The following ABCG5 variants were observed in gnomAD, a reference collection of about 807,000 sequenced individuals.
ABCG5 encodes the protein ATP-binding cassette sub-family G member 5.
In ABCG5, 64 loss-of-function variants were observed where a neutral mutation model predicts 64.5. The observed-to-expected ratio is 0.99, with a 90% confidence interval of 0.81 to 1.22. The LOEUF (loss-of-function observed/expected upper bound fraction) is 1.22, where lower values mean the gene tolerates loss of function less well. Ranked by LOEUF, ABCG5 falls within the 50% of genes most tolerant of loss-of-function variation. The probability of loss-of-function intolerance (pLI) is 0.00; values close to 1 mark genes in which losing one functional copy is unlikely to be tolerated. For missense variants in ABCG5, 908 were observed against 829.5 expected (o/e 1.09, Z -1.16); for synonymous variants, 385 against 326.3 (o/e 1.18, Z -1.94).
At position 43,813,055 on chromosome 2, in the gene ABCG5, C is replaced by T. The variant is rs930613012; in HGVS notation, c.*61G>A. ...AAATACATGGCACTCTCATTTCAGA[C>T]GTTCAGAGCAGTCATGCACAGTCGG... On this transcript the variant is annotated 3_prime_UTR_variant, in exon 13 of 13. Transcript: ENST00000405322. 20 of 776,698 alleles carry T rather than the reference C, an allele frequency of 2.6e-5. No individual in the cohort carries two copies. The highest frequency in any genetic ancestry group is 1.7e-4 in the East Asian group (7 of 40,458). 48.1% of individuals were successfully genotyped at this position (776,698 alleles called of 1,614,324 possible). A position where few individuals can be genotyped will look rare whatever the true frequency, so the allele number is the denominator to read the frequency against.
chr2:43,835,665 G>T (rs1668216525), intron 2 of ABCG5, among the ~76,000 whole-genome samples: 1 of 152,184 alleles, frequency 6.6e-6, no homozygotes, highest in Non-Finnish European at 1.5e-5. Flanking sequence ...ATGCAAGGAG[G>T]TGATATTGGG....
chr2:43,813,709 G>T (rs531043156), intron 12 of ABCG5, among the ~76,000 whole-genome samples: 973 of 32,864 alleles, frequency 0.03, 4 homozygotes, highest in Middle Eastern at 0.12. Flanking sequence ...TTTTTTTTTC[G>T]TTTTTTTTTT....
intron 7 of ABCG5, 46 bp from the exon 8 acceptor site, chr2:43,824,478 A>G (rs1368449066): frequency 1.2e-6 from 2 of 1,605,376 alleles, no homozygotes; most frequent in South Asian, 1.1e-5. Context: ...TTTTAAATGC[A>G]TGTATGTACA....
rs192722446 is a variant in ABCG5 at position 43,823,823 on chromosome 2, C to A, written c.1324+90G>T. ...GGCTGGGTTTAGCTCAGAGAAAAAC[C>A]CTTATAATGGTAGACTTTTGTAAGG... is the stretch of plus-strand genomic sequence containing the variant. On this transcript the variant is annotated intron_variant, in intron 9 of 12. Transcript: ENST00000405322. 549 of 1,475,454 alleles carry A rather than the reference C, an allele frequency of 3.7e-4. 2 individuals are homozygous for A. In the African/African-American group the frequency reaches 5.8e-3, roughly 16 times the overall value. The allele number at this position is 1,475,454 out of a possible 1,614,324, so 91.4% of individuals were successfully genotyped here. A position where few individuals can be genotyped will look rare whatever the true frequency, so the allele number is the denominator to read the frequency against.
intron 4 of ABCG5, among the ~76,000 whole-genome samples, chr2:43,831,521 A>G (rs1221311098): frequency 6.6e-6 from 1 of 152,138 alleles, no homozygotes; most frequent in East Asian, 1.9e-4. Flanking sequence ...TCAGACTAAG[A>G]GTCTGAAATT....
At chr2:43,822,470 T>TCCC in intron 10 of ABCG5, 1 of 354,564 alleles carries the variant, frequency 2.8e-6, no homozygotes, top group Non-Finnish European at 3.6e-6. Flanking sequence ...CTTTCTCCCC[T>TCCC]CCCCCAGGCC....
intron 2 of ABCG5, among the ~76,000 whole-genome samples, chr2:43,834,731 A>G (rs961456972): frequency 3.3e-5 from 5 of 152,254 alleles, no homozygotes; most frequent in African/African-American, 1.2e-4. Context: ...TTTGCAACTA[A>G]ATAATCTGCA....
At chr2:43,822,371 C>G (rs1367737118) in intron 10 of ABCG5, 1 of 254,686 alleles carries the variant, frequency 3.9e-6, no homozygotes, top group Non-Finnish European at 6.2e-6. Context: ...CTCTTTCTAC[C>G]TCCCTGATCA....
At chr2:43,835,497 G>A (rs1315987877) in intron 2 of ABCG5, among the ~76,000 whole-genome samples, 1 of 152,194 alleles carries the variant, frequency 6.6e-6, no homozygotes. Context: ...CGGTACATGT[G>A]TATAGCTAGA....
chr2:43,809,460 T>C (rs1666401184), downstream of ABCG5, among the ~76,000 whole-genome samples: 1 of 152,230 alleles, frequency 6.6e-6, no homozygotes, highest in Non-Finnish European at 1.5e-5. Flanking sequence ...GTACATAATT[T>C]TGTCTGAAAG....
Position 43,838,751 on chromosome 2 carries a change from G to GC in ABCG5, c.-73dup. On this transcript the variant is annotated 5_prime_UTR_variant, in exon 1 of 13. It introduces an in-frame stop codon into an upstream open reading frame of the 5' UTR. Transcript: ENST00000405322. This position sits in a 1 kb window ranked among gnomAD's most constrained non-coding sequence, Gnocchi z 4.2. ...TCCCCAGAGTGGCTTCAGTTGGGGA[G>GC]CCCGTGGCAGACTGCCCTGCCTGCT... 2 of 1,581,688 alleles carry GC rather than the reference G, an allele frequency of 1.3e-6. No individual in the cohort carries two copies. The highest frequency in any genetic ancestry group is 8.6e-7 in the Non-Finnish European group (1 of 1,164,974).
intron 6 of ABCG5, among the ~76,000 whole-genome samples, 156 bp from the exon 7 acceptor site, chr2:43,825,174 G>A (rs569546465): frequency 2.6e-5 from 4 of 152,102 alleles, no homozygotes; most frequent in Non-Finnish European, 5.9e-5. Context: ...TCAGTCCTTC[G>A]ATGACCTTGG....
At position 43,824,264 on chromosome 2, in the gene ABCG5, G is replaced by A. The variant is rs1406520210; in HGVS notation, c.1073C>T (p.Thr358Ile). 5 of 1,614,054 alleles carry A rather than the reference G, an allele frequency of 3.1e-6. No homozygotes were observed. Among genetic ancestry groups the A allele is most frequent in the Non-Finnish European group, 3.4e-6 (4 of 1,180,050 alleles). The stretch of plus-strand genomic sequence containing the variant: ...AGAGAAAACTCCAGGAGAATCTTTG[G>A]TTTTGAAAGGAACCATTGGTAACGT... Reference protein sequence around the residue: ...LKTLPMVPFKTKDSPGVFSKL... With the variant: ...LKTLPMVPFKIKDSPGVFSKL... Residue 358 changes from threonine (T) to isoleucine (I), a missense_variant, in exon 8 of 13, where the codon ACC becomes ATC. By Grantham distance (89) the Thr-to-Ile change is moderately conservative (BLOSUM62 -1). Transcript: ENST00000405322.
At position 43,837,917 on chromosome 2, in the gene ABCG5, C is replaced by T. The variant is rs149599171; in HGVS notation, c.182G>A (p.Arg61Gln). 8.7e-5 allele frequency: 141 copies of T among 1,613,994 alleles called. No individual in the cohort carries two copies. The highest frequency in any genetic ancestry group is 1.6e-4 in the Middle Eastern group (1 of 6,082). Residue 61 changes from arginine to glutamine, a missense_variant, in exon 2 of 13, where the codon CGG (arginine) becomes CAG (glutamine). Physicochemically the swap from Arg to Gln is conservative, Grantham distance 43. Coordinates refer to ENST00000405322, the MANE Select transcript of ABCG5 (RefSeq NM_022436.3). ...VRPWWDITSC[R>Q]QQWTRQILKD... is the part of the protein sequence containing the mutation. ...GAGGATCTGCCTGGTCCACTGCTGCCGGCAAGATGTGATGTCCCACCAGGG... is the reference window on the plus strand; with the variant it reads ...GAGGATCTGCCTGGTCCACTGCTGCTGGCAAGATGTGATGTCCCACCAGGG...
intron 6 of ABCG5, 57 bp from the exon 7 acceptor site, chr2:43,825,075 A>C: frequency 1.2e-6 from 2 of 1,600,038 alleles, no homozygotes; most frequent in Non-Finnish European, 1.7e-6. Flanking sequence ...ATGCACTTTG[A>C]ATGTCTCTGG....
At chr2:43,837,292 G>T (rs1219169694) in intron 2 of ABCG5, among the ~76,000 whole-genome samples, 1 of 151,594 alleles carries the variant, frequency 6.6e-6, no homozygotes, top group Non-Finnish European at 1.5e-5. Flanking sequence ...GCTAACTTTT[G>T]TATGTTTTTG....
At chr2:43,826,284 G>A (rs1667596156) in intron 6 of ABCG5, 98 bp downstream of exon 6, 4 of 1,566,836 alleles carry the variant, frequency 2.6e-6, no homozygotes, top group Non-Finnish European at 1.7e-6. Flanking sequence ...ACAAGTGTGA[G>A]CCACTGTGCC....
downstream of ABCG5, among the ~76,000 whole-genome samples, chr2:43,812,045 T>C (rs976739351): frequency 1.3e-5 from 2 of 151,940 alleles, no homozygotes; most frequent in Non-Finnish European, 2.9e-5. Flanking sequence ...TGTCAGCACT[T>C]TTTTTCTTTC....
At chr2:43,819,894 T>A in intron 11 of ABCG5, 21 bp downstream of exon 11, 2 of 1,613,440 alleles carry the variant, frequency 1.2e-6, no homozygotes, top group Non-Finnish European at 1.7e-6. Context: ...AATCTAAATT[T>A]TTTGAATTAT....
Sources: gnomAD v4.1 joint callset for allele counts (sites outside exome capture counted in the v4.1 genomes callset) on GRCh38, gnomAD v4.1.1 for gene constraint, Gnocchi (gnomAD v3.1) non-coding constraint, MANE v1.5 for transcripts, NCBI Gene and HGNC (gene_info 2026-07-23, HGNC 2026-07-21) for gene names.